DLGAP2: variants seen among roughly 807,000 people sequenced by gnomAD.
DLGAP2 encodes DLG associated protein 2.
DLGAP2 carries 26 observed loss-of-function variants against 100.3 expected under a neutral mutation model. That is an observed-to-expected ratio of 0.26 (90% confidence interval 0.19 to 0.36). The LOEUF is 0.36. Ranked by LOEUF, DLGAP2 falls within the 10% of genes least tolerant of loss-of-function variation. DLGAP2 has a pLI of 1.00. For synonymous variants in DLGAP2, 886 were observed against 630.1 expected, an observed-to-expected ratio of 1.41 and a Z score of -6.08; for missense variants, 1,858 against 1,453.2, an observed-to-expected ratio of 1.28 and a Z score of -4.53.
intron 2 of DLGAP2, among the ~76,000 whole-genome samples, chr8:975,129 A>G (rs1172230861): frequency 1.3e-5 from 2 of 152,238 alleles, no homozygotes; most frequent in Non-Finnish European, 1.5e-5. Flanking sequence ...GTGTCCAAGA[A>G]TTTGATAACC....
chr8:1,142,236 A>G (rs1165964132), intron 2 of DLGAP2, among the ~76,000 whole-genome samples: 2 of 152,198 alleles, frequency 1.3e-5, no homozygotes, highest in African/African-American at 4.8e-5. Flanking sequence ...AAAATTATGC[A>G]TCATAAGGTG....
chr8:1,267,337 C>T (rs181941594), intron 3 of DLGAP2, among the ~76,000 whole-genome samples: 2,157 of 151,082 alleles, frequency 0.014, 32 homozygotes, highest in South Asian at 0.064. Context: ...GAGGCCGAGG[C>T]GGTGGATCAC....
chr8:1,516,233 G>C (rs1163602710), intron 4 of DLGAP2, among the ~76,000 whole-genome samples: 2 of 152,090 alleles, frequency 1.3e-5, no homozygotes, highest in Admixed American at 6.5e-5. Context: ...GTGAATGAGT[G>C]AGTTACTGAG....
intron 2 of DLGAP2, among the ~76,000 whole-genome samples, chr8:943,967 C>T (rs150083482): frequency 2.6e-4 from 39 of 152,228 alleles, no homozygotes; most frequent in African/African-American, 9.4e-4. Flanking sequence ...GTGAAGACAT[C>T]AAGATCTCCC....
intron 2 of DLGAP2, among the ~76,000 whole-genome samples, chr8:1,206,413 G>T (rs1381156067): frequency 2.8e-5 from 4 of 141,046 alleles, no homozygotes; most frequent in Admixed American, 2.2e-4. Flanking sequence ...GACTGGGGTA[G>T]ACTGTGAGCG....
intron 3 of DLGAP2, among the ~76,000 whole-genome samples, chr8:1,353,478 C>A (rs1056380976): frequency 4.6e-5 from 7 of 152,336 alleles, no homozygotes; most frequent in Admixed American, 3.9e-4. Context: ...TCTTGCCCCG[C>A]TGCAGGCTCA....
At chr8:1,539,562 C>T (rs1801283995) in intron 4 of DLGAP2, among the ~76,000 whole-genome samples, 2 of 152,238 alleles carry the variant, frequency 1.3e-5, no homozygotes, top group South Asian at 2.1e-4. Context: ...CAGGGTCCCG[C>T]ACCCTCACCG....
chr8:1,441,921 A>G (rs1013482790), intron 3 of DLGAP2, among the ~76,000 whole-genome samples: 2 of 152,118 alleles, frequency 1.3e-5, no homozygotes, highest in Non-Finnish European at 2.9e-5. Flanking sequence ...ATGGAATACT[A>G]TGCGGCCATG....
chr8:1,212,586 C>G (rs993916657), intron 2 of DLGAP2, among the ~76,000 whole-genome samples: 1 of 151,980 alleles, frequency 6.6e-6, no homozygotes, highest in Admixed American at 6.6e-5. Flanking sequence ...AAACTGCAGT[C>G]TAGAATGAGG....
intron 3 of DLGAP2, among the ~76,000 whole-genome samples, chr8:1,463,863 G>T (rs1008692195): frequency 2.6e-5 from 4 of 152,216 alleles, no homozygotes; most frequent in African/African-American, 9.6e-5. Context: ...CTCTGCTGGG[G>T]TTTTCTTTCC....
intron 4 of DLGAP2, among the ~76,000 whole-genome samples, chr8:1,546,375 C>G (rs1357389559): frequency 6.6e-6 from 1 of 152,204 alleles, no homozygotes; most frequent in Non-Finnish European, 1.5e-5. Context: ...CTCAGGAAAT[C>G]TTTACGTTCC....
chr8:759,514 G>T (rs1380160644), intron 1 of DLGAP2, among the ~76,000 whole-genome samples: 1 of 151,732 alleles, frequency 6.6e-6, no homozygotes, highest in African/African-American at 2.4e-5. Flanking sequence ...TCCCTCCTGG[G>T]CTGCACATTC....
chr8:1,617,891 A>C (rs1797209088), intron 6 of DLGAP2, among the ~76,000 whole-genome samples: 1 of 152,256 alleles, frequency 6.6e-6, no homozygotes, highest in African/African-American at 2.4e-5. Flanking sequence ...ACATATGGAA[A>C]ACAACAGTAA....
chr8:1,513,862 C>G (rs867878541), intron 4 of DLGAP2, among the ~76,000 whole-genome samples: 1 of 87,602 alleles, frequency 1.1e-5, no homozygotes, highest in East Asian at 2.6e-4. Context: ...CAATGGCGGT[C>G]GAACCTCAGA....
chr8:942,120 CT>C (rs1190589559), intron 2 of DLGAP2, among the ~76,000 whole-genome samples: 1 of 152,152 alleles, frequency 6.6e-6, no homozygotes, highest in Admixed American at 6.5e-5. Flanking sequence ...CTATGTCCAG[CT>C]AATATTTGTA....
intron 2 of DLGAP2, among the ~76,000 whole-genome samples, chr8:1,086,444 C>G (rs1803977223): frequency 6.6e-6 from 1 of 152,050 alleles, no homozygotes; most frequent in South Asian, 2.1e-4. Context: ...CATTCTATAT[C>G]TAATTTGTTT....
At position 1,192,506 on chromosome 8, in the gene DLGAP2, G is replaced by A. The variant is rs963324457; in HGVS notation, c.74-66345G>A. Among the ~76,000 whole-genome samples the A allele has an allele frequency of 6.2e-4, 94 of 152,056 alleles. 1 individual carries two copies. Among genetic ancestry groups the A allele is most frequent in the Middle Eastern group, 3.4e-3 (1 of 294 alleles). ...GATGAGCAATAGAGCTCTTAAACCT[G>A]CTCCTCCGTCTGTCTGAAATCTCAT... On this transcript the variant is annotated intron_variant, in intron 2 of 14. Transcript: ENST00000637795.
At chr8:1,504,460 A>C (rs576871552) in intron 4 of DLGAP2, among the ~76,000 whole-genome samples, 1 of 152,168 alleles carries the variant, frequency 6.6e-6, no homozygotes, top group South Asian at 2.1e-4. Flanking sequence ...AAACCATTTA[A>C]CTGTGGCCAC....
intron 4 of DLGAP2, among the ~76,000 whole-genome samples, chr8:1,517,661 C>T (rs1800440867): frequency 1.3e-5 from 2 of 152,194 alleles, no homozygotes; most frequent in African/African-American, 4.8e-5. Context: ...GCAGAAGGGC[C>T]TCCCGTTTCT....
Sources: gnomAD v4.1 joint callset for allele counts (sites outside exome capture counted in the v4.1 genomes callset) on GRCh38, gnomAD v4.1.1 for gene constraint, MANE v1.5 for transcripts, NCBI Gene and HGNC (gene_info 2026-07-23, HGNC 2026-07-21) for gene names.